The following SAMMSON variants were observed in gnomAD, a reference collection of about 807,000 sequenced individuals.
SAMMSON encodes the protein survival associated mitochondrial melanoma specific oncogenic non-coding RNA.
intron 7 of SAMMSON, among the ~76,000 whole-genome samples, chr3:70,318,193 C>T (rs1419759063): frequency 2.6e-5 from 4 of 151,848 alleles, no homozygotes; most frequent in Admixed American, 2.0e-4. Flanking sequence ...ATCATTTTTT[C>T]AGATATTGTT....
intron 9 of SAMMSON, among the ~76,000 whole-genome samples, chr3:70,371,127 T>C (rs984870328): frequency 2.6e-5 from 4 of 152,112 alleles, no homozygotes; most frequent in African/African-American, 9.7e-5. Context: ...TAGCTGTAAA[T>C]ATATGGGTTT....
At chr3:70,053,193 A>G (rs1489153105) in intron 3 of SAMMSON, among the ~76,000 whole-genome samples, 1 of 152,126 alleles carries the variant, frequency 6.6e-6, no homozygotes, top group Non-Finnish European at 1.5e-5. Context: ...ACAGGGAGAA[A>G]TGCTGAAGTC....
chr3:70,130,611 G>A (rs961468077), intron 4 of SAMMSON, among the ~76,000 whole-genome samples: 1 of 152,172 alleles, frequency 6.6e-6, no homozygotes, highest in Non-Finnish European at 1.5e-5. Flanking sequence ...TGTGGCTTCT[G>A]CTTGGCCCTC....
chr3:70,348,261 G>A (rs977929246), intron 7 of SAMMSON, among the ~76,000 whole-genome samples: 1 of 152,150 alleles, frequency 6.6e-6, no homozygotes, highest in African/African-American at 2.4e-5. Context: ...CCAGTGCATC[G>A]GTGAAGATGG....
At chr3:70,077,468 A>G (rs1325190122) in intron 4 of SAMMSON, among the ~76,000 whole-genome samples, 1 of 152,174 alleles carries the variant, frequency 6.6e-6, no homozygotes, top group Non-Finnish European at 1.5e-5. Flanking sequence ...GGGAATAAAG[A>G]GGAGGAAAGA....
At chr3:70,280,395 C>T (rs1304199478) in intron 6 of SAMMSON, among the ~76,000 whole-genome samples, 1 of 152,118 alleles carries the variant, frequency 6.6e-6, no homozygotes, top group Non-Finnish European at 1.5e-5. Flanking sequence ...TTCTGGGTGG[C>T]CATTATTCAA....
At chr3:70,047,294 G>A (rs149344209) in intron 3 of SAMMSON, among the ~76,000 whole-genome samples, 2,278 of 151,558 alleles carry the variant, frequency 0.015, 30 homozygotes, top group Middle Eastern at 0.048. Context: ...TCAGCAAATA[G>A]TAGGTATTAT....
At chr3:70,300,830 T>A (rs1238524914) in intron 7 of SAMMSON, among the ~76,000 whole-genome samples, 1 of 152,040 alleles carries the variant, frequency 6.6e-6, no homozygotes, top group African/African-American at 2.4e-5. Flanking sequence ...ATGTAGAGGT[T>A]TAAAGCTATA....
At chr3:70,126,880 A>T (rs929376056) in intron 4 of SAMMSON, 1 of 155,034 alleles carries the variant, frequency 6.5e-6, no homozygotes, top group African/African-American at 2.4e-5. Context: ...TATGCTGGGT[A>T]ATTTTTGTAT....
intron 6 of SAMMSON, among the ~76,000 whole-genome samples, chr3:70,252,311 G>A (rs930530347): frequency 1.3e-5 from 2 of 152,138 alleles, no homozygotes; most frequent in Admixed American, 1.3e-4. Context: ...TTGGTGTATG[G>A]TGTGGCGTAC....
chr3:70,128,342 G>A (rs1390063423), intron 4 of SAMMSON, among the ~76,000 whole-genome samples: 2 of 152,150 alleles, frequency 1.3e-5, no homozygotes, highest in Non-Finnish European at 2.9e-5. Context: ...GTCCCTGAAT[G>A]TTCCAATAAA....
At chr3:70,247,842 T>A (rs538141385) in intron 4 of SAMMSON, among the ~76,000 whole-genome samples, 3 of 152,000 alleles carry the variant, frequency 2.0e-5, no homozygotes, top group Non-Finnish European at 4.4e-5. Flanking sequence ...AAAATAGATA[T>A]AAAAATATTC....
chr3:70,110,147 G>A (rs955268557), intron 4 of SAMMSON, among the ~76,000 whole-genome samples: 33 of 152,146 alleles, frequency 2.2e-4, no homozygotes, highest in African/African-American at 7.5e-4. Flanking sequence ...TTGAGGTGGT[G>A]AATTATTTTG....
chr3:70,292,697 A>T (rs998422407), intron 7 of SAMMSON, among the ~76,000 whole-genome samples: 2 of 151,944 alleles, frequency 1.3e-5, no homozygotes, highest in South Asian at 2.1e-4. Flanking sequence ...CTCTTTTTTG[A>T]TGTACACATA....
chr3:70,179,570 C>G (rs563003912), intron 4 of SAMMSON, among the ~76,000 whole-genome samples: 2 of 152,302 alleles, frequency 1.3e-5, no homozygotes, highest in South Asian at 4.1e-4. Context: ...ACTAAGGCCT[C>G]CTTATTTGCT....
intron 1 of SAMMSON, among the ~76,000 whole-genome samples, chr3:70,001,075 C>T (rs1448823987): frequency 3.3e-5 from 5 of 151,896 alleles, no homozygotes; most frequent in Non-Finnish European, 7.4e-5. Context: ...TGTATGGGCA[C>T]ATACACAATG....
At position 70,364,956 on chromosome 3, in the gene SAMMSON, T is replaced by C. The variant is rs150379820; in HGVS notation, n.913+6632T>C. Among the ~76,000 whole-genome samples the C allele has an allele frequency of 2.4e-4, 36 of 151,988 alleles. No individual in the cohort carries two copies. In the East Asian group the frequency reaches 6.8e-3, roughly 29 times the overall value. ...TCAATGAGATCGTGTTATCCATTTA[T>C]AACGCACTCAGATTGTTTTGTCACA... On this transcript the variant is annotated intron_variant and non_coding_transcript_variant, in intron 9 of 9. Transcript: ENST00000642114.
intron 4 of SAMMSON, among the ~76,000 whole-genome samples, chr3:70,104,830 A>T (rs534196795): frequency 6.6e-6 from 1 of 152,254 alleles, no homozygotes; most frequent in South Asian, 2.1e-4. Context: ...CGTTTTTCAC[A>T]TATGGATCTC....
chr3:70,109,779 C>A (rs896688714), intron 4 of SAMMSON, among the ~76,000 whole-genome samples: 5 of 152,270 alleles, frequency 3.3e-5, no homozygotes, highest in South Asian at 4.1e-4. Context: ...CATTATACTG[C>A]CTCCTTAAAA....
Sources: allele counts gnomAD v4.1 joint callset (sites outside exome capture counted in the v4.1 genomes callset), GRCh38; gene constraint gnomAD v4.1.1; transcripts MANE v1.5; gene names NCBI Gene and HGNC (gene_info 2026-07-23, HGNC 2026-07-21).